Variants in SOS2 observed in about 807,000 individuals in gnomAD.
SOS2 encodes son of sevenless homolog 2.
In SOS2, 65 loss-of-function variants were observed where a neutral mutation model predicts 148.2. The ratio of observed to expected loss-of-function variants is 0.44; its 90% confidence interval spans 0.36 to 0.54. The LOEUF (loss-of-function observed/expected upper bound fraction) is 0.54, where lower values mean the gene tolerates loss of function less well. Ranked by LOEUF, SOS2 falls within the 20% of genes least tolerant of loss-of-function variation. The pLI is 0.00. For synonymous variants in SOS2, 539 were observed against 537.1 expected (o/e 1.00, Z -0.05); for missense variants, 1,341 against 1,590.2 (o/e 0.84, Z 2.67).
In SOS2 at chr14:50,118,679, G is replaced by A. The variant is rs1232489201; in HGVS notation, c.3664C>T (p.Arg1222Trp). The A allele has an allele frequency of 3.7e-6, 6 of 1,613,776 alleles. No homozygotes were observed. The highest frequency in any genetic ancestry group is 2.2e-5 in the South Asian group (2 of 91,042). The change falls in exon 23 of 23, where the codon CGG becomes TGG. Residue 1222 changes from arginine (R) to tryptophan (W), a missense_variant. Transcript: ENST00000216373. ...LPDTPPPVPL[R>W]PPEHFINCPF... ...CAGTTTATAAAGTGTTCTGGAGGCC[G>A]AAGGGGAACTGGTGGAGGGGTATCA...
chr14:50,197,622 G>A (rs1033658548), intron 4 of SOS2, among the ~76,000 whole-genome samples: 1 of 151,480 alleles, frequency 6.6e-6, no homozygotes, highest in Non-Finnish European at 1.5e-5. Context: ...CCCAACCACA[G>A]GATTACACTG....
At position 50,180,674 on chromosome 14, in the gene SOS2, T is replaced by C. The variant is rs1885704700; in HGVS notation, c.867A>G (p.Ala289=). Residue 289 remains alanine (A), a synonymous_variant, in exon 7 of 23, where the codon GCA becomes GCG. Transcript: ENST00000216373. Reference sequence around the variant, plus strand: ...GTGATAATGTTTCATAAGGATCAAATGCTTGCTCCTATTTTTTTAAAAAGA... The same window carrying C: ...GTGATAATGTTTCATAAGGATCAAACGCTTGCTCCTATTTTTTTAAAAAGA... ...SCFEDLAEEQ[A]FDPYETLSQD... is the part of the protein sequence containing the mutation. 1.3e-6 allele frequency: 2 copies of C among 1,557,998 alleles called. No individual in the cohort carries two copies. The highest frequency in any genetic ancestry group is 1.8e-6 in the Non-Finnish European group (2 of 1,142,800).
intron 1 of SOS2, among the ~76,000 whole-genome samples, chr14:50,213,317 A>C (rs988571912): frequency 2.0e-5 from 3 of 152,192 alleles, no homozygotes; most frequent in Non-Finnish European, 4.4e-5. Flanking sequence ...TAATAAGTGT[A>C]CTACATAGAA....
intron 9 of SOS2, 44 bp downstream of exon 9, chr14:50,161,438 C>A (rs762460097): frequency 1.3e-6 from 2 of 1,534,598 alleles, no homozygotes; most frequent in Non-Finnish European, 1.8e-6. Context: ...TCAGAGACAG[C>A]GAAGTAAGCA....
rs746988886 is a variant in SOS2 at position 50,145,120 on chromosome 14, C to T, written c.2667+50G>A. On this transcript the variant is annotated intron_variant, in intron 16 of 22. Coordinates refer to ENST00000216373, the MANE Select transcript of SOS2 (RefSeq NM_006939.4). ...GATGATAGATGAAATTTCTTTTATG[C>T]TAATTTCATCATCCCCGAGAAAAAT... is the stretch of plus-strand genomic sequence containing the variant. 5 of 1,086,980 alleles carry T rather than the reference C, an allele frequency of 4.6e-6. No homozygotes were observed. The South Asian group carries it at 1.1e-4, about 24-fold the overall frequency. The allele number at this position is 1,086,980 out of a possible 1,614,324, so 67.3% of individuals were successfully genotyped here. A position where few individuals can be genotyped will look rare whatever the true frequency, so the allele number is the denominator to read the frequency against.
intron 19 of SOS2, among the ~76,000 whole-genome samples, chr14:50,131,104 C>T (rs1471367926): frequency 6.6e-6 from 1 of 151,818 alleles, no homozygotes; most frequent in Non-Finnish European, 1.5e-5. Flanking sequence ...TTACTGGGAA[C>T]ATAATTTATG....
chr14:50,181,798 A>T (rs1885749635), intron 6 of SOS2, among the ~76,000 whole-genome samples: 1 of 152,086 alleles, frequency 6.6e-6, no homozygotes, highest in South Asian at 2.1e-4. Flanking sequence ...TCTAATTTAT[A>T]TATCTATTTT....
intron 18 of SOS2, 132 bp from the exon 19 acceptor site, chr14:50,134,371 C>T: frequency 1.8e-6 from 1 of 547,220 alleles, no homozygotes; most frequent in Non-Finnish European, 3.2e-6. Context: ...ATTAAGAGCC[C>T]ACAATATGTG....
Position 50,159,839 on chromosome 14 carries a change from T to C in SOS2, c.1444A>G (p.Ser482Gly), listed in dbSNP as rs1486014891. The part of the protein sequence containing the change: ...NHGQTRLPGY[S>G]SAEYRLKEKF... ...TCTTTTAACCTGTATTCTGCACTAC[T>C]GTAACCTGGAAGCCGAGTCTGGCCA... Residue 482 changes from serine (S) to glycine (G), a missense_variant, in exon 10 of 23, where the codon AGT becomes GGT. Physicochemically the swap from Ser to Gly is moderately conservative, Grantham distance 56. Transcript: ENST00000216373. The C allele has an allele frequency of 6.2e-7, 1 of 1,614,196 alleles. No homozygotes were observed. The highest frequency in any genetic ancestry group is 8.5e-7 in the Non-Finnish European group (1 of 1,180,034).
chr14:50,118,726 G>A lies in SOS2; in HGVS notation c.3617C>T (p.Pro1206Leu), dbSNP rs763800624. Residue 1206 changes from proline to leucine, a missense_variant, in exon 23 of 23, where the codon CCA (proline) becomes CTA (leucine). Physicochemically the swap from Pro to Leu is moderately conservative, Grantham distance 98 (BLOSUM62 -3). Coordinates refer to ENST00000216373, the MANE Select transcript of SOS2 (RefSeq NM_006939.4). ...FDGPLHSPPP[P>L]PPRDPLPDTP... ...ATCAGGAAGAGGATCTCTTGGTGGT[G>A]GCGGAGGTGGACTATGCAGAGGCCC... is the stretch of plus-strand genomic sequence containing the variant. 1.2e-6 allele frequency: 2 copies of A among 1,613,698 alleles called. No homozygotes were observed. Among genetic ancestry groups the A allele is most frequent in the South Asian group, 2.2e-5 (2 of 91,044 alleles).
chr14:50,162,810 G>T (rs1230916561), intron 8 of SOS2, among the ~76,000 whole-genome samples: 3 of 151,470 alleles, frequency 2.0e-5, no homozygotes, highest in Admixed American at 2.0e-4. Context: ...GCCCCAAAAT[G>T]TTCTCTTGTA....
chr14:50,174,872 T>A lies in SOS2; in HGVS notation c.970-320A>T, dbSNP rs74048907. On this transcript the variant is annotated intron_variant, in intron 7 of 22. Coordinates refer to ENST00000216373, the MANE Select transcript of SOS2 (RefSeq NM_006939.4). ...AAAGCTATGTACTCTCCTGCACAAT[T>A]TTAAAATGTTTTAAATTTAAATAGT... Among the ~76,000 whole-genome samples, 688 of 152,320 alleles carry A rather than the reference T, an allele frequency of 4.5e-3. 4 individuals carry two copies. Among genetic ancestry groups the A allele is most frequent in the African/African-American group, 0.015 (642 of 41,576 alleles).
chr14:50,211,970 C>G (rs962839799), intron 1 of SOS2, among the ~76,000 whole-genome samples: 3 of 151,810 alleles, frequency 2.0e-5, no homozygotes, highest in Admixed American at 2.0e-4. Context: ...TACACACAGT[C>G]AAAAAAATGC....
chr14:50,133,977 C>A, intron 19 of SOS2, 146 bp downstream of exon 19: 2 of 633,872 alleles, frequency 3.2e-6, no homozygotes, highest in South Asian at 3.6e-5. Context: ...ACATTTCCCC[C>A]CCCAGTTTTA....
intron 20 of SOS2, 41 bp from the exon 21 acceptor site, chr14:50,130,043 A>G: frequency 8.0e-7 from 1 of 1,257,212 alleles, no homozygotes; most frequent in Non-Finnish European, 1.2e-6. Flanking sequence ...GGAAGGTAAC[A>G]TGTAGGTATT....
At chr14:50,133,238 T>C (rs1272765595) in intron 19 of SOS2, among the ~76,000 whole-genome samples, 2 of 89,542 alleles carry the variant, frequency 2.2e-5, no homozygotes, top group Admixed American at 3.0e-4. Context: ...TTTTTTTCTT[T>C]TTTCTTTTTT....
rs1276064863 is a variant in SOS2, at chr14:50,161,253, T to C, written c.1196+229A>G. 2.0e-5 allele frequency among the ~76,000 whole-genome samples: 3 copies of C among 148,556 alleles called. No individual in the cohort carries two copies. The East Asian group carries it at 5.9e-4, about 29-fold the overall frequency. ...GGCTGCAGGTTGCAGTGAGCTGAGA[T>C]TACACCACTGCACTCCAGCCTGGGC... is the stretch of plus-strand genomic sequence containing the variant. On this transcript the variant is annotated intron_variant, in intron 9 of 22. Coordinates refer to ENST00000216373, the MANE Select transcript of SOS2 (RefSeq NM_006939.4).
intron 7 of SOS2, among the ~76,000 whole-genome samples, chr14:50,179,901 G>A (rs1044356598): frequency 4.0e-5 from 6 of 151,810 alleles, no homozygotes; most frequent in African/African-American, 1.5e-4. Context: ...TGAGTACATA[G>A]GAGGTTGAGG....
intron 21 of SOS2, among the ~76,000 whole-genome samples, chr14:50,126,359 C>T (rs1156531824): frequency 6.6e-6 from 1 of 152,068 alleles, no homozygotes. Flanking sequence ...AACTTTGCAT[C>T]CATTGACTAA....
Sources: allele counts gnomAD v4.1 joint callset (sites outside exome capture counted in the v4.1 genomes callset), GRCh38; gene constraint gnomAD v4.1.1; transcripts MANE v1.5; gene names NCBI Gene and HGNC (gene_info 2026-07-23, HGNC 2026-07-21).